Variants in ANK1 observed in about 807,000 individuals in gnomAD.
ANK1 encodes ankyrin-1.
In ANK1, 51 loss-of-function variants were observed where a neutral mutation model predicts 210.4. The observed-to-expected ratio is 0.24, with a 90% CI of 0.19 to 0.31. The LOEUF (loss-of-function observed/expected upper bound fraction) is 0.31, where lower values mean the gene tolerates loss of function less well. Ranked by LOEUF, ANK1 falls within the 10% of genes least tolerant of loss-of-function variation. The probability of loss-of-function intolerance (pLI) is 1.00; values close to 1 mark genes in which losing one functional copy is unlikely to be tolerated. For synonymous variants in ANK1, 967 were observed against 1,025.9 expected (o/e 0.94, Z 1.10); for missense variants, 2,051 against 2,504.4 (o/e 0.82, Z 3.86).
At chr8:41,696,910 A>G in intron 24 of ANK1, 137 bp from the exon 25 acceptor site, 1 of 829,652 alleles carries the variant, frequency 1.2e-6, no homozygotes, top group Non-Finnish European at 2.0e-6. Context: ...ACGGGACCCC[A>G]CCGCCCTGTC....
In ANK1 at chr8:41,704,452, A is replaced by G. The variant is rs1304575205; in HGVS notation, c.2118T>C (p.His706=). 5.0e-6 allele frequency: 8 copies of G among 1,614,040 alleles called. No homozygotes were observed. The African/African-American group carries it at 9.3e-5, about 19-fold the overall frequency. ...ATTRMGYTPL[H]VASHYGNIKL... is the part of the protein sequence containing the mutation. ...TGATGTTTCCATAGTGACTGGCCAC[A>G]TGGAGGGGAGTGTAGCCCATCTGAA... is the stretch of plus-strand genomic sequence containing the variant. The change falls in exon 19 of 43, where the codon CAT becomes CAC. Residue 706 remains histidine (H), a synonymous_variant. Coordinates refer to ENST00000289734, the MANE Select transcript of ANK1 (RefSeq NM_000037.4). The surrounding 1 kb of genome is among the most constrained non-coding windows in gnomAD (Gnocchi z 4.1).
At chr8:41,818,303 G>T (rs1275488504) in intron 1 of ANK1, among the ~76,000 whole-genome samples, 1 of 152,158 alleles carries the variant, frequency 6.6e-6, no homozygotes, top group African/African-American at 2.4e-5. Context: ...TCTTCCAGAG[G>T]GTCAGGACCA....
intron 1 of ANK1, among the ~76,000 whole-genome samples, chr8:41,858,306 T>A (rs1392231780): frequency 7.3e-6 from 1 of 137,208 alleles, no homozygotes; most frequent in African/African-American, 2.8e-5. Context: ...CAAGATTGCA[T>A]CACCGCAATC....
chr8:41,865,052 G>A (rs770760129), intron 1 of ANK1, among the ~76,000 whole-genome samples: 25 of 152,112 alleles, frequency 1.6e-4, no homozygotes, highest in Non-Finnish European at 2.9e-4. Flanking sequence ...CCTACCAGTC[G>A]CAAGGTGGTA....
In ANK1 at chr8:41,797,483, G is replaced by A. The variant is rs1426005447; in HGVS notation, c.27+29C>T. ...GGTGGCCCCCTCCTGACATCTCCCC[G>A]TCCACCCGAGCAGCCGCCCAGTACT... On this transcript the variant is annotated intron_variant, in intron 1 of 42. Transcript: ENST00000289734. This position sits in a 1 kb window ranked among gnomAD's most constrained non-coding sequence, Gnocchi z 4.0. The A allele has an allele frequency of 3.1e-6, 5 of 1,606,166 alleles. No homozygotes were observed. In the Admixed American group the frequency reaches 6.7e-5, roughly 21 times the overall value.
intron 1 of ANK1, among the ~76,000 whole-genome samples, chr8:41,795,748 G>A (rs55756078): frequency 0.025 from 3,866 of 152,092 alleles, 65 homozygotes; most frequent in Non-Finnish European, 0.036. Context: ...CCAGAGACCA[G>A]GAAGGGTGGG....
chr8:41,682,303 C>T (rs1816303699), intron 37 of ANK1, among the ~76,000 whole-genome samples: 1 of 152,218 alleles, frequency 6.6e-6, no homozygotes, highest in Non-Finnish European at 1.5e-5. Flanking sequence ...TCTGGCAAGT[C>T]CTCGAGTGCC....
intron 24 of ANK1, 150 bp downstream of exon 24, chr8:41,697,893 G>A: frequency 1.3e-6 from 1 of 781,426 alleles, no homozygotes; most frequent in East Asian, 2.7e-5. Flanking sequence ...ACCATTATGA[G>A]GCGTCCAAGC....
intron 1 of ANK1, among the ~76,000 whole-genome samples, chr8:41,815,455 T>A (rs1803166756): frequency 6.6e-6 from 1 of 152,168 alleles, no homozygotes; most frequent in South Asian, 2.1e-4. Flanking sequence ...TCCATTTTAG[T>A]CAGTTTGACC....
Position 41,717,593 on chromosome 8 carries a change from T to A in ANK1, c.1305+11A>T. The A allele has an allele frequency of 6.4e-7, 1 of 1,550,398 alleles. No homozygotes were observed. The highest frequency in any genetic ancestry group is 1.7e-4 in the Middle Eastern group (1 of 5,746). ...CTAGGGGAGCAAGCCCCTGCCTGCC[T>A]GAGGGCTTACCACGTTGGAGACGTT... On this transcript the variant is annotated intron_variant, in intron 12 of 42. Transcript: ENST00000289734.
chr8:41,824,915 G>A (rs747896420), intron 1 of ANK1, among the ~76,000 whole-genome samples: 3 of 152,230 alleles, frequency 2.0e-5, no homozygotes, highest in Non-Finnish European at 4.4e-5. Flanking sequence ...CTCTTTCCAA[G>A]GTTCTAGAGG....
chr8:41,723,296 T>C, intron 8 of ANK1, 73 bp from the exon 9 acceptor site: 1 of 1,489,970 alleles, frequency 6.7e-7, no homozygotes, highest in Non-Finnish European at 9.4e-7. Context: ...GAAGACTGCC[T>C]ATGGCATCAT....
chr8:41,687,779 T>C (rs1818106083), intron 35 of ANK1, among the ~76,000 whole-genome samples: 1 of 152,250 alleles, frequency 6.6e-6, no homozygotes, highest in Admixed American at 6.5e-5. Context: ...TCACTTTATT[T>C]GCCCACCTGT....
Position 41,704,605 on chromosome 8 carries a change from G to A in ANK1, c.2098-133C>T. ...GAAGGCTGACATTGACAAGCTGAATGGCTGCTGCTGGGCAGAGACCACCAG... is the reference window on the plus strand; with the variant it reads ...GAAGGCTGACATTGACAAGCTGAATAGCTGCTGCTGGGCAGAGACCACCAG... On this transcript the variant is annotated intron_variant, in intron 18 of 42. Coordinates refer to ENST00000289734, the MANE Select transcript of ANK1 (RefSeq NM_000037.4). This position sits in a 1 kb window ranked among gnomAD's most constrained non-coding sequence, Gnocchi z 4.1. 2.5e-6 allele frequency: 2 copies of A among 790,718 alleles called. No individual in the cohort carries two copies. Among genetic ancestry groups the A allele is most frequent in the Admixed American group, 2.0e-5 (1 of 50,102 alleles). 49.0% of individuals were successfully genotyped at this position (790,718 alleles called of 1,614,324 possible). A position where few individuals can be genotyped will look rare whatever the true frequency, so the allele number is the denominator to read the frequency against.
chr8:41,832,512 A>C (rs933018611), intron 1 of ANK1, among the ~76,000 whole-genome samples: 2 of 151,858 alleles, frequency 1.3e-5, no homozygotes, highest in African/African-American at 4.8e-5. Flanking sequence ...AGCAGAAGCC[A>C]CTCTCCCACC....
intron 35 of ANK1, among the ~76,000 whole-genome samples, chr8:41,687,010 C>T (rs1200022266): frequency 2.6e-5 from 4 of 152,172 alleles, no homozygotes; most frequent in Admixed American, 6.5e-5. Context: ...CACACATGCA[C>T]ACACACGCCC....
intron 1 of ANK1, among the ~76,000 whole-genome samples, chr8:41,759,160 G>C (rs146649224): frequency 3.2e-3 from 486 of 152,190 alleles, no homozygotes; most frequent in Non-Finnish European, 5.3e-3. Flanking sequence ...ACCAACTGTG[G>C]ATGGAAAATT....
intron 37 of ANK1, among the ~76,000 whole-genome samples, chr8:41,677,329 T>C (rs1585981023): frequency 6.6e-6 from 1 of 152,308 alleles, no homozygotes; most frequent in Non-Finnish European, 1.5e-5. Flanking sequence ...TCCAAGTTTT[T>C]CTGCTTTCTG....
At chr8:41,655,888 C>T (rs1805511147) in intron 42 of ANK1, 135 bp from the exon 43 acceptor site, 5 of 1,025,566 alleles carry the variant, frequency 4.9e-6, no homozygotes, top group South Asian at 2.8e-5. Flanking sequence ...CCAGGCAGGG[C>T]GATGTGCTGA....
Sources: allele counts gnomAD v4.1 joint callset (sites outside exome capture counted in the v4.1 genomes callset), GRCh38; gene constraint gnomAD v4.1.1; non-coding constraint Gnocchi (gnomAD v3.1); transcripts MANE v1.5; gene names NCBI Gene and HGNC (gene_info 2026-07-23, HGNC 2026-07-21).